POMGNT2: variants seen among roughly 807,000 people sequenced by gnomAD.
The protein encoded by POMGNT2 is protein O-linked mannose N-acetylglucosaminyltransferase 2 (beta 1,4-).
Under a neutral mutation model 37.8 loss-of-function variants are expected in POMGNT2, and 32 were observed. That is an observed-to-expected ratio of 0.85 (90% confidence interval 0.64 to 1.14). The LOEUF (loss-of-function observed/expected upper bound fraction) is 1.14. POMGNT2 is among the 50% of genes most tolerant of loss of function. The probability of loss-of-function intolerance (pLI) is 0.00; values close to 1 mark genes in which losing one functional copy is unlikely to be tolerated. For synonymous variants in POMGNT2, 340 were observed against 336.8 expected, an observed-to-expected ratio of 1.01 and a Z score of -0.10; for missense variants, 705 against 780.6, an observed-to-expected ratio of 0.90 and a Z score of 1.15.
intron 1 of POMGNT2, among the ~76,000 whole-genome samples, chr3:43,096,114 G>T (rs937114631): frequency 6.6e-6 from 1 of 152,146 alleles, no homozygotes; most frequent in Non-Finnish European, 1.5e-5. Context: ...TTAGAAAAGC[G>T]GAGGTAATCA....
At chr3:43,094,177 A>G (rs1288353844) in intron 1 of POMGNT2, among the ~76,000 whole-genome samples, 1 of 152,146 alleles carries the variant, frequency 6.6e-6, no homozygotes, top group Non-Finnish European at 1.5e-5. Context: ...AGCCAGCCAA[A>G]CTGAAGGATC....
intron 1 of POMGNT2, among the ~76,000 whole-genome samples, chr3:43,086,172 G>A (rs891933827): frequency 6.6e-6 from 1 of 152,212 alleles, no homozygotes; most frequent in Non-Finnish European, 1.5e-5. Context: ...GGAAAACCAA[G>A]TAGCTCTTAA....
chr3:43,088,151 T>C (rs1210859433), intron 1 of POMGNT2: 1 of 152,228 alleles, frequency 6.6e-6, no homozygotes, highest in African/African-American at 2.4e-5. Flanking sequence ...CACTGGGATA[T>C]AGACAAAACA....
intron 1 of POMGNT2, among the ~76,000 whole-genome samples, chr3:43,094,946 C>T (rs577525203): frequency 5.9e-4 from 90 of 152,338 alleles, no homozygotes; most frequent in Admixed American, 5.8e-3. Context: ...CATGCAAGCT[C>T]ACCCTGTCTG....
chr3:43,105,331 C>A (rs1432226123), intron 1 of POMGNT2, among the ~76,000 whole-genome samples: 1 of 152,230 alleles, frequency 6.6e-6, no homozygotes, highest in Admixed American at 6.5e-5. Context: ...AGGTGCCCTA[C>A]TGGCCCCCAA....
intron 1 of POMGNT2, among the ~76,000 whole-genome samples, chr3:43,095,577 T>C (rs1321215613): frequency 6.6e-6 from 1 of 152,224 alleles, no homozygotes; most frequent in Non-Finnish European, 1.5e-5. Context: ...CTCGGCTGTC[T>C]TGCCCTAAAG....
intron 1 of POMGNT2, among the ~76,000 whole-genome samples, chr3:43,092,604 A>G (rs972206517): frequency 6.6e-6 from 1 of 152,220 alleles, no homozygotes; most frequent in Admixed American, 6.5e-5. Flanking sequence ...AGCTGAGAAC[A>G]TGAGTCTCTA....
intron 1 of POMGNT2, among the ~76,000 whole-genome samples, chr3:43,088,405 G>A (rs1023939297): frequency 4.6e-5 from 7 of 152,200 alleles, no homozygotes; most frequent in Non-Finnish European, 8.8e-5. Flanking sequence ...CTTCTTGGGC[G>A]TCCAGGTCGA....
rs146229269 is a variant in POMGNT2, at chr3:43,081,313, C to G, written c.119G>C (p.Arg40Pro). 6 of 1,611,934 alleles carry G rather than the reference C, an allele frequency of 3.7e-6. No individual in the cohort carries two copies. The highest frequency in any genetic ancestry group is 4.2e-6 in the Non-Finnish European group (5 of 1,180,002). ...ATLEEELALS[R>P]QATEPAPALR... The stretch of plus-strand genomic sequence containing the variant: ...TGCTGGGGCTGGCTCTGTGGCCTGT[C>G]GGCTGAGGGCCAGCTCCTCCTCCAG... The change falls in exon 2 of 2, where the codon CGA becomes CCA. Residue 40 changes from arginine to proline, a missense_variant. Arg to Pro is a moderately radical substitution (Grantham distance 103). Coordinates refer to ENST00000344697, the MANE Select transcript of POMGNT2 (RefSeq NM_032806.6).
At position 43,080,157 on chromosome 3, in the gene POMGNT2, G is replaced by A. The variant is rs1006094827; in HGVS notation, c.1275C>T (p.Ile425=). 4 of 1,613,818 alleles carry A rather than the reference G, an allele frequency of 2.5e-6. No individual in the cohort carries two copies. Among genetic ancestry groups the A allele is most frequent in the Non-Finnish European group, 3.4e-6 (4 of 1,179,948 alleles). The part of the protein sequence containing the change: ...THLDRAEQAR[I]LQSREVPRHL... ...GCCGTGGGACCTCACGGCTTTGCAG[G>A]ATACGGGCTTGCTCAGCCCGGTCCA... Residue 425 remains isoleucine, a synonymous_variant, in exon 2 of 2, where the codon ATC becomes ATT. Coordinates refer to ENST00000344697, the MANE Select transcript of POMGNT2 (RefSeq NM_032806.6).
intron 1 of POMGNT2, among the ~76,000 whole-genome samples, chr3:43,084,417 G>C (rs12497602): frequency 0.16 from 24,445 of 152,044 alleles, 2,388 homozygotes; most frequent in East Asian, 0.28. Flanking sequence ...AGGCCAAGGC[G>C]GGTGGATCAC....
chr3:43,091,907 A>T (rs1048096616), intron 1 of POMGNT2, among the ~76,000 whole-genome samples: 6 of 152,318 alleles, frequency 3.9e-5, no homozygotes, highest in Non-Finnish European at 8.8e-5. Flanking sequence ...AAAATCTTAA[A>T]CCCAATTTAA....
At position 43,081,087 on chromosome 3, in the gene POMGNT2, G is replaced by C. The variant is rs2089850118; in HGVS notation, c.345C>G (p.Ala115=). 1.9e-6 allele frequency: 3 copies of C among 1,614,248 alleles called. No homozygotes were observed. The highest frequency in any genetic ancestry group is 2.5e-6 in the Non-Finnish European group (3 of 1,180,042). Reference sequence around the variant, plus strand: ...CCTCCACGGTGGATAGGTCGAGCAGGGCTGGCTGGAAGCGCCGGGAGCCCA... The same window carrying C: ...CCTCCACGGTGGATAGGTCGAGCAGCGCTGGCTGGAAGCGCCGGGAGCCCA... The part of the protein sequence containing the change: ...PNLGSRRFQP[A]LLDLSTVEDH... The change falls in exon 2 of 2, where the codon GCC becomes GCG. Residue 115 remains alanine (A), a synonymous_variant. Coordinates refer to ENST00000344697, the MANE Select transcript of POMGNT2 (RefSeq NM_032806.6).
Position 43,081,026 on chromosome 3 carries a change from G to A in POMGNT2, c.406C>T (p.Pro136Ser). 1 of 1,614,208 alleles carries A rather than the reference G, an allele frequency of 6.2e-7. No individual in the cohort carries two copies. Among genetic ancestry groups the A allele is most frequent in the South Asian group, 1.1e-5 (1 of 91,084 alleles). ...NTQYFNFVEL[P>S]AAALRFMPKP... The stretch of plus-strand genomic sequence containing the variant: ...GGCATGAAGCGCAGGGCAGCAGCAG[G>A]CAGCTCCACGAAGTTGAAGTACTGA... The change falls in exon 2 of 2, where the codon CCT becomes TCT. Residue 136 changes from proline (P) to serine (S), a missense_variant. By Grantham distance (74) the Pro-to-Ser change is moderately conservative. Coordinates refer to ENST00000344697, the MANE Select transcript of POMGNT2 (RefSeq NM_032806.6).
Position 43,080,954 on chromosome 3 carries a change from T to G in POMGNT2, c.478A>C (p.Asn160His), listed in dbSNP as rs773297624. The change falls in exon 2 of 2, where the codon AAC (asparagine) becomes CAC (histidine). Residue 160 changes from asparagine to histidine, a missense_variant. Physicochemically the swap from Asn to His is moderately conservative, Grantham distance 68. Transcript: ENST00000344697. ...AAGACGTGCATGAGGTTGTCGGGGT[T>G]GAAGCGGTTGGCGATGAGGGCCACG... ...PDVALIANRF[N>H]PDNLMHVFHD... 2 of 1,614,036 alleles carry G rather than the reference T, an allele frequency of 1.2e-6. No individual in the cohort carries two copies. Among genetic ancestry groups the G allele is most frequent in the Admixed American group, 3.3e-5 (2 of 59,998 alleles).
In POMGNT2 at chr3:43,080,401, ATGCTGACCAGCATGGAGGCAT is replaced by A. The variant is rs769294819; in HGVS notation, c.1010_1030del (p.Asn337_Ser343del). The A allele has an allele frequency of 5.6e-6, 9 of 1,614,036 alleles. No homozygotes were observed. Among genetic ancestry groups the A allele is most frequent in the African/African-American group, 4.0e-5 (3 of 74,918 alleles). ...GGTGGTGACCAGCTGGGCCCCATGC[ATGCTGACCAGCATGGAGGCAT>A]TGCTGACCAGCCGCACGACATCAGC... On this transcript the variant is annotated inframe_deletion, in exon 2 of 2. Coordinates refer to ENST00000344697, the MANE Select transcript of POMGNT2 (RefSeq NM_032806.6).
At chr3:43,100,623 T>TTGATA (rs2090011778) in intron 1 of POMGNT2, among the ~76,000 whole-genome samples, 1 of 152,212 alleles carries the variant, frequency 6.6e-6, no homozygotes, top group South Asian at 2.1e-4. Flanking sequence ...GAAATGAATA[T>TTGATA]TGATACTATA....
chr3:43,095,965 G>A (rs1037161816), intron 1 of POMGNT2, among the ~76,000 whole-genome samples: 1 of 152,188 alleles, frequency 6.6e-6, no homozygotes, highest in African/African-American at 2.4e-5. Context: ...AAAGTCATCA[G>A]GCTATGGGGC....
intron 1 of POMGNT2, among the ~76,000 whole-genome samples, chr3:43,104,015 A>T (rs1455181219): frequency 6.6e-6 from 1 of 152,268 alleles, no homozygotes; most frequent in Non-Finnish European, 1.5e-5. Context: ...TCAGCCAGGC[A>T]CAGTGCTAAC....
Sources: gnomAD v4.1 joint callset for allele counts (sites outside exome capture counted in the v4.1 genomes callset) on GRCh38, gnomAD v4.1.1 for gene constraint, MANE v1.5 for transcripts, NCBI Gene and HGNC (gene_info 2026-07-23, HGNC 2026-07-21) for gene names.